ARMH3: variants seen among roughly 807,000 people sequenced by gnomAD.
ARMH3 encodes armadillo-like helical domain-containing protein 3.
Under a neutral mutation model 99.1 loss-of-function variants are expected in ARMH3, and 60 were observed. The observed-to-expected ratio is 0.61, with a 90% confidence interval of 0.49 to 0.75. ARMH3 has a LOEUF of 0.75. Ranked by LOEUF, ARMH3 falls within the 30% of genes least tolerant of loss-of-function variation. The pLI, the probability that ARMH3 is intolerant of heterozygous loss-of-function variation, is 0.00. For synonymous variants in ARMH3, 285 were observed against 292.8 expected (o/e 0.97, Z 0.27); for missense variants, 679 against 843.1 (o/e 0.81, Z 2.41).
intron 23 of ARMH3, among the ~76,000 whole-genome samples, chr10:101,918,359 G>A (rs1330497399): frequency 1.3e-5 from 2 of 152,052 alleles, no homozygotes; most frequent in Admixed American, 6.6e-5. Context: ...TGGCCATCCA[G>A]TATATTATCT....
chr10:102,007,964 C>T (rs910392413), intron 13 of ARMH3, among the ~76,000 whole-genome samples: 3 of 151,564 alleles, frequency 2.0e-5, no homozygotes, highest in African/African-American at 7.3e-5. Flanking sequence ...GGGACCAAAA[C>T]AGATGACTCT....
At chr10:101,884,466 C>A (rs2067492197) in intron 24 of ARMH3, among the ~76,000 whole-genome samples, 1 of 152,116 alleles carries the variant, frequency 6.6e-6, no homozygotes, top group Non-Finnish European at 1.5e-5. Flanking sequence ...AAAGGTGTCC[C>A]AGAAACAAGC....
At chr10:101,971,263 G>A (rs1177305961) in intron 20 of ARMH3, among the ~76,000 whole-genome samples, 1 of 152,074 alleles carries the variant, frequency 6.6e-6, no homozygotes, top group East Asian at 1.9e-4. Context: ...CCCAGTAGGA[G>A]CGCAGTGTGA....
chr10:101,939,582 A>G lies in ARMH3; in HGVS notation c.1781+281T>C, dbSNP rs954834287. ...AGAAAAGTTTTCAGATGACCTATAC[A>G]TAGAGAACACTCTGGCAACTAGCAT... On this transcript the variant is annotated intron_variant, in intron 23 of 25. Transcript: ENST00000370033. 2.0e-5 allele frequency among the ~76,000 whole-genome samples: 3 copies of G among 152,356 alleles called. 1 individual carries two copies. The Middle Eastern group carries it at 0.01, about 518-fold the overall frequency.
chr10:101,893,117 G>C (rs1039294723), intron 23 of ARMH3, among the ~76,000 whole-genome samples: 4 of 152,172 alleles, frequency 2.6e-5, no homozygotes, highest in African/African-American at 9.7e-5. Flanking sequence ...GAGAAGGTAG[G>C]TGAAGCAAGT....
At chr10:101,950,395 T>A (rs1357677196) in intron 22 of ARMH3, among the ~76,000 whole-genome samples, 2 of 152,166 alleles carry the variant, frequency 1.3e-5, no homozygotes, top group Non-Finnish European at 2.9e-5. Flanking sequence ...TGGCAGTTCC[T>A]CAAAAGGTTA....
intron 20 of ARMH3, among the ~76,000 whole-genome samples, chr10:101,971,553 AAAAATAAAAT>A (rs918631298): frequency 2.6e-5 from 4 of 152,158 alleles, no homozygotes; most frequent in South Asian, 2.1e-4. Context: ...TCTTTCTCAA[AAAAATAAAAT>A]AAAATAAAAT....
chr10:101,909,463 C>T lies in ARMH3; in HGVS notation c.1782-19973G>A, dbSNP rs1292878339. 1.5e-3 allele frequency among the ~76,000 whole-genome samples: 110 copies of T among 71,740 alleles called. 1 individual carries two copies. Among genetic ancestry groups the T allele is most frequent in the Non-Finnish European group, 2.4e-3 (98 of 41,672 alleles). 47.1% of individuals were successfully genotyped at this position (71,740 alleles called of 152,430 possible). On this transcript the variant is annotated intron_variant, in intron 23 of 25. Transcript: ENST00000370033. ...GAGGAAGGTATGTTGCAAGCTTCCT[C>T]TTTTTTTTTTTTTTTTTTTTTTTTG...
chr10:101,905,536 A>C (rs767926238), intron 23 of ARMH3, among the ~76,000 whole-genome samples: 8 of 152,212 alleles, frequency 5.3e-5, no homozygotes, highest in Non-Finnish European at 1.2e-4. Context: ...TTGAAGCATA[A>C]ACAGAATTTT....
At chr10:101,898,713 T>G (rs1026436860) in intron 23 of ARMH3, among the ~76,000 whole-genome samples, 7 of 152,236 alleles carry the variant, frequency 4.6e-5, no homozygotes. Flanking sequence ...CATATATGTA[T>G]GTATATGAAG....
intron 24 of ARMH3, among the ~76,000 whole-genome samples, chr10:101,868,397 C>T (rs1728534325): frequency 6.6e-6 from 1 of 152,146 alleles, no homozygotes; most frequent in Admixed American, 6.5e-5. Context: ...AAGACTGGTA[C>T]CATATAGCAA....
intron 24 of ARMH3, among the ~76,000 whole-genome samples, chr10:101,853,479 G>A (rs1000626991): frequency 6.6e-6 from 1 of 152,176 alleles, no homozygotes; most frequent in Non-Finnish European, 1.5e-5. Context: ...GCCACACTTA[G>A]GGAGAGGGCC....
chr10:102,044,301 T>C (rs1398679992), intron 1 of ARMH3, among the ~76,000 whole-genome samples: 1 of 151,796 alleles, frequency 6.6e-6, no homozygotes, highest in Non-Finnish European at 1.5e-5. Flanking sequence ...GGTCTCGATC[T>C]CCTGACCTCG....
intron 18 of ARMH3, among the ~76,000 whole-genome samples, 184 bp from the exon 19 acceptor site, chr10:101,990,795 A>G (rs1188248387): frequency 6.6e-6 from 1 of 152,206 alleles, no homozygotes; most frequent in African/African-American, 2.4e-5. Context: ...ACCACCTGCC[A>G]CTTGTAAAGT....
chr10:101,850,673 AC>A (rs541575769), intron 24 of ARMH3, among the ~76,000 whole-genome samples: 15 of 151,860 alleles, frequency 9.9e-5, no homozygotes, highest in Non-Finnish European at 1.5e-4. Flanking sequence ...GATCCACCAG[AC>A]TTGACCTCCA....
At chr10:101,958,735 T>C (rs1845153031) in intron 20 of ARMH3, among the ~76,000 whole-genome samples, 1 of 152,116 alleles carries the variant, frequency 6.6e-6, no homozygotes, top group African/African-American at 2.4e-5. Flanking sequence ...AGCAAAGAAG[T>C]TCATTCTCCC....
chr10:101,918,229 T>G (rs186677497), intron 23 of ARMH3, among the ~76,000 whole-genome samples: 162 of 152,294 alleles, frequency 1.1e-3, no homozygotes, highest in Non-Finnish European at 1.5e-3. Flanking sequence ...GATTTTTGTA[T>G]TTTTAGTAGA....
At chr10:102,006,265 T>C (rs1286197953) in intron 14 of ARMH3, among the ~76,000 whole-genome samples, 1 of 152,254 alleles carries the variant, frequency 6.6e-6, no homozygotes, top group East Asian at 1.9e-4. Context: ...GGACAGGCAT[T>C]ACTGACCTTG....
intron 23 of ARMH3, among the ~76,000 whole-genome samples, chr10:101,894,700 G>A (rs1346393492): frequency 1.3e-5 from 2 of 152,042 alleles, no homozygotes; most frequent in African/African-American, 4.8e-5. Flanking sequence ...TTTGGGGAGG[G>A]GGTTTCTGGG....
Sources: allele counts gnomAD v4.1 joint callset (sites outside exome capture counted in the v4.1 genomes callset), GRCh38; gene constraint gnomAD v4.1.1; transcripts MANE v1.5; gene names NCBI Gene and HGNC (gene_info 2026-07-23, HGNC 2026-07-21).